The following GOLGA8J variants were observed in gnomAD, a reference collection of about 807,000 sequenced individuals.
GOLGA8J encodes the protein golgin subfamily A member 8J.
GOLGA8J carries 19 observed loss-of-function variants against 67.7 expected under a neutral mutation model. That is an observed-to-expected ratio of 0.28 (90% confidence interval 0.20 to 0.41). The LOEUF (loss-of-function observed/expected upper bound fraction) is 0.41. Ranked by LOEUF, GOLGA8J falls within the 10% of genes least tolerant of loss-of-function variation. GOLGA8J has a pLI of 1.00. For missense variants in GOLGA8J, 205 were observed against 584.3 expected (o/e 0.35, Z 6.69); for synonymous variants, 69 against 215.9 (o/e 0.32, Z 5.97).
intron 12 of GOLGA8J, 60 bp downstream of exon 12, chr15:30,090,016 C>T (rs2057381234): frequency 1.4e-6 from 2 of 1,434,252 alleles, no homozygotes; most frequent in East Asian, 4.9e-5. Flanking sequence ...CTTTGTTTCC[C>T]CACCTCTAAA....
intron 2 of GOLGA8J, among the ~76,000 whole-genome samples, 183 bp downstream of exon 2, chr15:30,085,073 G>C (rs374569498): frequency 1.2e-5 from 1 of 86,940 alleles, no homozygotes; most frequent in Non-Finnish European, 1.9e-5. Context: ...ATGAGGTCAG[G>C]AGATCGAGAC....
rs1234270539 is a variant in GOLGA8J at position 30,096,373 on chromosome 15, TAA to T, written c.*2876_*2877del. ...ATATAGTTTCTCTAAAACTTTATTT[TAA>T]AGAGTCATTTTAAAATAATATAACT... On this transcript the variant is annotated 3_prime_UTR_variant, in exon 19 of 19. Transcript: ENST00000567927. Among the ~76,000 whole-genome samples the T allele has an allele frequency of 3.8e-4, 57 of 150,310 alleles. No individual in the cohort carries two copies. Among genetic ancestry groups the T allele is most frequent in the African/African-American group, 1.4e-3 (56 of 40,158 alleles).
At chr15:30,088,530 G>A (rs1051755945) in intron 8 of GOLGA8J, among the ~76,000 whole-genome samples, 5 of 147,342 alleles carry the variant, frequency 3.4e-5, no homozygotes, top group African/African-American at 1.3e-4. Context: ...TGATCTCTCT[G>A]GGCCTCTGTT....
intron 2 of GOLGA8J, 35 bp downstream of exon 2, chr15:30,084,925 G>C (rs1368284074): frequency 6.7e-7 from 1 of 1,492,948 alleles, no homozygotes; most frequent in Non-Finnish European, 8.8e-7. Context: ...TGGGGACAGG[G>C]GGCCCAAGGG....
At chr15:30,091,289 C>T (rs1239196933) in intron 13 of GOLGA8J, among the ~76,000 whole-genome samples, 1 of 124,896 alleles carries the variant, frequency 8.0e-6, no homozygotes, top group East Asian at 2.3e-4. Context: ...TACGTGGCCA[C>T]CTATCAGCAG....
Position 30,092,054 on chromosome 15 carries a change from A to G in GOLGA8J, c.1289A>G (p.Glu430Gly), listed in dbSNP as rs757412208. The change falls in exon 15 of 19, where the codon GAA becomes GGA. Residue 430 changes from glutamate to glycine, a missense_variant. Glu to Gly is a moderately conservative substitution (Grantham distance 98). Transcript: ENST00000567927. ...CCACCCCCCACAGGACACGGAGGAGAACATCTGGACAGTGAGGGGGAGGAG... is the reference window on the plus strand; with the variant it reads ...CCACCCCCCACAGGACACGGAGGAGGACATCTGGACAGTGAGGGGGAGGAG... Reference protein sequence around the residue: ...MALPGEGHGGEHLDSEGEEAP... With the variant: ...MALPGEGHGGGHLDSEGEEAP... The G allele has an allele frequency of 5.0e-6, 8 of 1,597,846 alleles. No individual in the cohort carries two copies. Among genetic ancestry groups the G allele is most frequent in the Admixed American group, 3.4e-5 (2 of 58,534 alleles).
chr15:30,093,496 A>G lies in GOLGA8J; in HGVS notation c.1896A>G (p.Arg632=), dbSNP rs992841088. Reference sequence around the variant, plus strand: ...GGGCTTGGCTGCCAAGAAGAAGGAGATAAACATCACCATCCTCAAAGAGCT... The same window carrying G: ...GGGCTTGGCTGCCAAGAAGAAGGAGGTAAACATCACCATCCTCAAAGAGCT... ...LCWAWLPRRR[R] is the part of the protein sequence containing the mutation. The change falls in exon 19 of 19, where the codon AGA becomes AGG. Residue 632 remains arginine (R), a synonymous_variant. Coordinates refer to ENST00000567927, the MANE Select transcript of GOLGA8J (RefSeq NM_001282472.2). 4 of 1,508,134 alleles carry G rather than the reference A, an allele frequency of 2.7e-6. No individual in the cohort carries two copies. Among genetic ancestry groups the G allele is most frequent in the Admixed American group, 1.8e-5 (1 of 55,642 alleles). The allele number at this position is 1,508,134 out of a possible 1,614,324, so 93.4% of individuals were successfully genotyped here.
chr15:30,094,346 A>G lies in GOLGA8J; in HGVS notation c.*847A>G, dbSNP rs1055137749. ...TATTTCTGAGGAATGAAAGGTTCCC[A>G]TCATTGACTGTGGATGTGGGAAACC... On this transcript the variant is annotated 3_prime_UTR_variant, in exon 19 of 19. Coordinates refer to ENST00000567927, the MANE Select transcript of GOLGA8J (RefSeq NM_001282472.2). Among the ~76,000 whole-genome samples, 3 of 148,146 alleles carry G rather than the reference A, an allele frequency of 2.0e-5. 1 individual carries two copies. The highest frequency in any genetic ancestry group is 4.4e-5 in the Non-Finnish European group (3 of 67,688).
intron 7 of GOLGA8J, 39 bp from the exon 8 acceptor site, chr15:30,087,536 G>T: frequency 2.3e-6 from 1 of 440,186 alleles, no homozygotes; most frequent in Admixed American, 4.4e-5. Flanking sequence ...GGTCTTCAGG[G>T]GGAGTCCTTT....
chr15:30,092,773 C>G lies in GOLGA8J; in HGVS notation c.1434C>G (p.Leu478=), dbSNP rs556051665. Residue 478 remains leucine (L), a synonymous_variant, in exon 16 of 19, where the codon CTC becomes CTG. Coordinates refer to ENST00000567927, the MANE Select transcript of GOLGA8J (RefSeq NM_001282472.2). Reference sequence around the variant, plus strand: ...GTGAGCTGGTGAAGAAAAAAGAACTCTGCTTCATCCACCACTGGCGAGAGA... The same window carrying G: ...GTGAGCTGGTGAAGAAAAAAGAACTGTGCTTCATCCACCACTGGCGAGAGA... ...DLSELVKKKE[L]CFIHHWRERC... 3.3e-6 allele frequency: 5 copies of G among 1,532,426 alleles called. No homozygotes were observed. The South Asian group carries it at 5.6e-5, about 17-fold the overall frequency. The allele number at this position is 1,532,426 out of a possible 1,614,324, so 94.9% of individuals were successfully genotyped here.
Position 30,092,749 on chromosome 15 carries a change from T to C in GOLGA8J, c.1410T>C (p.Ser470=), listed in dbSNP as rs1243180048. ...ACCTGGAGGAGAAGGCAGACCTGAG[T>C]GAGCTGGTGAAGAAAAAAGAACTCT... ...MDHLEEKADL[S]ELVKKKELCF... is the part of the protein sequence containing the mutation. Residue 470 remains serine, a synonymous_variant, in exon 16 of 19, where the codon AGT becomes AGC. Transcript: ENST00000567927. The C allele has an allele frequency of 2.8e-6, 4 of 1,441,404 alleles. No homozygotes were observed. The highest frequency in any genetic ancestry group is 3.8e-6 in the Non-Finnish European group (4 of 1,053,164). 89.3% of individuals were successfully genotyped at this position (1,441,404 alleles called of 1,614,324 possible). A position where few individuals can be genotyped will look rare whatever the true frequency, so the allele number is the denominator to read the frequency against.
rs1371821815 is a variant in GOLGA8J at position 30,095,211 on chromosome 15, TC to T, written c.*1715del. ...GATGCAGGGAGATAGGTGTGTGTGC[TC>T]CCTGCGGTGGGGATTTCTAGTTACT... is the stretch of plus-strand genomic sequence containing the variant. On this transcript the variant is annotated 3_prime_UTR_variant, in exon 19 of 19. Coordinates refer to ENST00000567927, the MANE Select transcript of GOLGA8J (RefSeq NM_001282472.2). 7.2e-6 allele frequency among the ~76,000 whole-genome samples: 1 copy of T among 139,732 alleles called. No homozygotes were observed. Among genetic ancestry groups the T allele is most frequent in the Non-Finnish European group, 1.5e-5 (1 of 65,734 alleles). 91.7% of individuals were successfully genotyped at this position (139,732 alleles called of 152,430 possible).
chr15:30,088,583 T>G (rs1199143918), intron 8 of GOLGA8J, among the ~76,000 whole-genome samples, 157 bp from the exon 9 acceptor site: 2 of 147,944 alleles, frequency 1.4e-5, no homozygotes, highest in Non-Finnish European at 3.0e-5. Context: ...CGTTCCAACT[T>G]TACTGAGTTC....
intron 8 of GOLGA8J, among the ~76,000 whole-genome samples, chr15:30,088,493 A>G (rs1263747134): frequency 6.8e-6 from 1 of 146,250 alleles, no homozygotes; most frequent in African/African-American, 2.6e-5. Context: ...TGGTAATAAT[A>G]ACAGTAATAA....
rs2057448029 is a variant in GOLGA8J at position 30,094,384 on chromosome 15, G to C, written c.*885G>C. Among the ~76,000 whole-genome samples the C allele has an allele frequency of 6.8e-6, 1 of 147,634 alleles. No homozygotes were observed. Among genetic ancestry groups the C allele is most frequent in the Admixed American group, 6.7e-5 (1 of 14,984 alleles). On this transcript the variant is annotated 3_prime_UTR_variant, in exon 19 of 19. Transcript: ENST00000567927. ...GATGTGGGAAACCTTTCCTAGCTTA[G>C]AGCATTTGTATCTACAATACATTTT...
rs980902455 is a variant in GOLGA8J at position 30,093,208 on chromosome 15, C to T, written c.1692C>T (p.Pro564=). 2.2e-5 allele frequency: 35 copies of T among 1,576,378 alleles called. No individual in the cohort carries two copies. Among genetic ancestry groups the T allele is most frequent in the Non-Finnish European group, 2.6e-5 (30 of 1,170,220 alleles). ...AGCCCGGTCCAGGAGCCCCAGCCCC[C>T]CAGGAGCTTGGGGCTGCAGACAAGC... The part of the protein sequence containing the change: ...ADEPGPGAPA[P]QELGAADKHG... The change falls in exon 18 of 19, where the codon CCC becomes CCT. Residue 564 remains proline (P), a synonymous_variant. Transcript: ENST00000567927.
chr15:30,088,645 G>A, intron 8 of GOLGA8J, 95 bp from the exon 9 acceptor site: 2 of 1,015,030 alleles, frequency 2.0e-6, no homozygotes. Context: ...TACTGACCGA[G>A]TTGTATATTG....
chr15:30,094,160 C>T lies in GOLGA8J; in HGVS notation c.*661C>T, dbSNP rs2057445156. On this transcript the variant is annotated 3_prime_UTR_variant, in exon 19 of 19. Coordinates refer to ENST00000567927, the MANE Select transcript of GOLGA8J (RefSeq NM_001282472.2). ...AGAAGAGGAAAGTGGCCTCCTCTGGCAGGTACGTGCAGGATAGAGTGTGTT... is the reference window on the plus strand; with the variant it reads ...AGAAGAGGAAAGTGGCCTCCTCTGGTAGGTACGTGCAGGATAGAGTGTGTT... 6.9e-6 allele frequency among the ~76,000 whole-genome samples: 1 copy of T among 145,136 alleles called. No homozygotes were observed. Among genetic ancestry groups the T allele is most frequent in the Non-Finnish European group, 1.5e-5 (1 of 67,446 alleles).
At chr15:30,088,009 C>T (rs1303681010) in intron 8 of GOLGA8J, 1 of 552,986 alleles carries the variant, frequency 1.8e-6, no homozygotes, top group African/African-American at 2.1e-5. Flanking sequence ...AGAAGAGTAC[C>T]TTTAGTATGT....
Sources: gnomAD v4.1 joint callset for allele counts (sites outside exome capture counted in the v4.1 genomes callset) on GRCh38, gnomAD v4.1.1 for gene constraint, MANE v1.5 for transcripts, NCBI Gene and HGNC (gene_info 2026-07-23, HGNC 2026-07-21) for gene names.